Variants in NRXN3 observed in about 807,000 individuals in gnomAD.
NRXN3 encodes neurexin III.
Under a neutral mutation model 137.6 loss-of-function variants are expected in NRXN3, and 32 were observed. The observed-to-expected ratio is 0.23, with a 90% CI of 0.18 to 0.31. The LOEUF (loss-of-function observed/expected upper bound fraction) is 0.31. NRXN3 is among the 10% of genes least tolerant of loss of function. The pLI, the probability that NRXN3 is intolerant of heterozygous loss-of-function variation, is 1.00. For synonymous variants in NRXN3, 798 were observed against 784.5 expected (o/e 1.02, Z -0.29); for missense variants, 1,574 against 2,062.5 (o/e 0.76, Z 4.59).
At chr14:78,439,378 C>T (rs1359869652) in intron 4 of NRXN3, among the ~76,000 whole-genome samples, 4 of 152,192 alleles carry the variant, frequency 2.6e-5, no homozygotes, top group Admixed American at 6.5e-5. Context: ...CAAGGATAAA[C>T]GTGGTAATGT....
At chr14:78,344,273 A>G (rs1233144472) in intron 4 of NRXN3, among the ~76,000 whole-genome samples, 2 of 152,200 alleles carry the variant, frequency 1.3e-5, no homozygotes, top group African/African-American at 4.8e-5. Context: ...GACAAGACTT[A>G]TCCTTGGAAC....
intron 15 of NRXN3, among the ~76,000 whole-genome samples, chr14:79,297,446 T>C (rs917515229): frequency 5.9e-5 from 9 of 152,176 alleles, no homozygotes; most frequent in Non-Finnish European, 4.4e-5. Flanking sequence ...TAACTGGGCA[T>C]CCTATATTTT....
At chr14:78,694,555 C>G (rs2098206309) in intron 6 of NRXN3, among the ~76,000 whole-genome samples, 1 of 152,026 alleles carries the variant, frequency 6.6e-6, no homozygotes, top group Admixed American at 6.5e-5. Context: ...ACTTCATACT[C>G]TAATGCACAT....
At chr14:79,487,098 G>A (rs2096664571) in intron 16 of NRXN3, among the ~76,000 whole-genome samples, 1 of 152,008 alleles carries the variant, frequency 6.6e-6, no homozygotes, top group African/African-American at 2.4e-5. Flanking sequence ...CAGACTTTAG[G>A]CAAATTATTT....
chr14:78,814,363 T>C (rs1300665375), intron 10 of NRXN3, among the ~76,000 whole-genome samples: 4 of 152,186 alleles, frequency 2.6e-5, no homozygotes, highest in Non-Finnish European at 5.9e-5. Flanking sequence ...ACACCTGTAA[T>C]GCCAGCACTT....
chr14:78,619,228 T>C (rs141225207), intron 4 of NRXN3, among the ~76,000 whole-genome samples: 1 of 152,312 alleles, frequency 6.6e-6, no homozygotes, highest in African/African-American at 2.4e-5. Context: ...CTGTTACCTG[T>C]CACCTTTTCA....
intron 15 of NRXN3, among the ~76,000 whole-genome samples, chr14:78,999,422 A>G (rs1369344643): frequency 6.6e-6 from 1 of 152,140 alleles, no homozygotes; most frequent in Non-Finnish European, 1.5e-5. Context: ...AGATACTCAA[A>G]ATATATTTGT....
chr14:78,210,212 C>T (rs2153410562), intron 1 of NRXN3, among the ~76,000 whole-genome samples: 1 of 152,230 alleles, frequency 6.6e-6, no homozygotes, highest in East Asian at 1.9e-4. Flanking sequence ...AAGTTGCCAG[C>T]AGATTCAGTG....
rs115601570 is a variant in NRXN3, at chr14:79,105,378, A to G, written c.3262+117237A>G. On this transcript the variant is annotated intron_variant, in intron 15 of 20. Coordinates refer to ENST00000335750, the MANE Select transcript of NRXN3 (RefSeq NM_001330195.2). ...CTGTCAAGAGCTTTCTGCATAAAAG[A>G]GTAAAAATTTTCAAATAACTTGTAA... is the stretch of plus-strand genomic sequence containing the variant. Among the ~76,000 whole-genome samples the G allele has an allele frequency of 2.6e-3, 394 of 152,324 alleles. 2 individuals are homozygous for G. The highest frequency in any genetic ancestry group is 9.1e-3 in the African/African-American group (377 of 41,584).
At chr14:79,000,251 T>G (rs2099538670) in intron 15 of NRXN3, among the ~76,000 whole-genome samples, 1 of 151,800 alleles carries the variant, frequency 6.6e-6, no homozygotes, top group East Asian at 1.9e-4. Flanking sequence ...ATCAAATGCA[T>G]GTATGTGCAT....
chr14:79,426,031 T>C (rs2095650421), intron 15 of NRXN3, among the ~76,000 whole-genome samples: 2 of 151,872 alleles, frequency 1.3e-5, no homozygotes, highest in South Asian at 2.1e-4. Context: ...AATAGATTCA[T>C]ATATGAAGGT....
At chr14:78,641,078 A>G (rs2097623367) in intron 4 of NRXN3, among the ~76,000 whole-genome samples, 1 of 152,220 alleles carries the variant, frequency 6.6e-6, no homozygotes, top group Admixed American at 6.5e-5. Flanking sequence ...CACCAAGTAT[A>G]AAAAACAGAT....
intron 1 of NRXN3, among the ~76,000 whole-genome samples, chr14:78,181,158 A>G (rs1448629914): frequency 6.6e-6 from 1 of 152,216 alleles, no homozygotes; most frequent in Non-Finnish European, 1.5e-5. Context: ...GGCAATGTTT[A>G]TAGTGTATTG....
intron 6 of NRXN3, among the ~76,000 whole-genome samples, chr14:78,704,840 A>G (rs2098329392): frequency 6.6e-6 from 1 of 152,098 alleles, no homozygotes; most frequent in African/African-American, 2.4e-5. Flanking sequence ...TACCTGGCAC[A>G]TGGTAGGCTC....
At chr14:79,505,311 C>T (rs769337500) in intron 16 of NRXN3, among the ~76,000 whole-genome samples, 39 of 151,932 alleles carry the variant, frequency 2.6e-4, no homozygotes, top group Non-Finnish European at 4.9e-4. Context: ...CTCATATACA[C>T]AGTCCAATAT....
intron 15 of NRXN3, among the ~76,000 whole-genome samples, chr14:79,163,088 T>C (rs960199814): frequency 5.9e-5 from 9 of 151,946 alleles, no homozygotes; most frequent in Admixed American, 3.3e-4. Context: ...GGCTTCACTT[T>C]GGGAGAACTG....
intron 4 of NRXN3, among the ~76,000 whole-genome samples, chr14:78,559,214 C>T (rs920053627): frequency 1.3e-5 from 2 of 152,158 alleles, no homozygotes; most frequent in Non-Finnish European, 2.9e-5. Context: ...TGCATATACC[C>T]TTGTAAGATA....
chr14:79,472,887 A>T (rs2096527140), intron 16 of NRXN3, among the ~76,000 whole-genome samples: 1 of 152,172 alleles, frequency 6.6e-6, no homozygotes, highest in Non-Finnish European at 1.5e-5. Flanking sequence ...CATCTGCAAA[A>T]TAGAAGGTCG....
chr14:78,276,563 G>A (rs992710702), intron 2 of NRXN3, among the ~76,000 whole-genome samples: 1 of 152,198 alleles, frequency 6.6e-6, no homozygotes, highest in Non-Finnish European at 1.5e-5. Flanking sequence ...ACACCCCCAT[G>A]AGGGAGGCTC....
Sources: allele counts gnomAD v4.1 joint callset (sites outside exome capture counted in the v4.1 genomes callset), GRCh38; gene constraint gnomAD v4.1.1; transcripts MANE v1.5; gene names NCBI Gene and HGNC (gene_info 2026-07-23, HGNC 2026-07-21).